The following TMEM132B variants were observed in gnomAD, a reference collection of about 807,000 sequenced individuals.
The protein encoded by TMEM132B is transmembrane protein 132B.
TMEM132B carries 18 observed loss-of-function variants against 90.8 expected under a neutral mutation model. That is an observed-to-expected ratio of 0.20 (90% confidence interval 0.14 to 0.29). The LOEUF (loss-of-function observed/expected upper bound fraction) is 0.29, where lower values mean the gene tolerates loss of function less well. Ranked by LOEUF, TMEM132B falls within the 10% of genes least tolerant of loss-of-function variation. TMEM132B has a pLI of 1.00. For missense variants in TMEM132B, 1,096 were observed against 1,326.8 expected, an observed-to-expected ratio of 0.83 and a Z score of 2.70; for synonymous variants, 504 against 523.3, an observed-to-expected ratio of 0.96 and a Z score of 0.50.
intron 4 of TMEM132B, among the ~76,000 whole-genome samples, chr12:125,541,723 G>A (rs1432190033): frequency 6.6e-6 from 1 of 151,732 alleles, no homozygotes; most frequent in Admixed American, 6.6e-5. Context: ...TGAGTCCACC[G>A]AGACCTGGTG....
intron 3 of TMEM132B, among the ~76,000 whole-genome samples, chr12:125,444,171 C>G (rs1880944803): frequency 6.6e-6 from 1 of 152,148 alleles, no homozygotes; most frequent in Non-Finnish European, 1.5e-5. Flanking sequence ...TTTGTAAATT[C>G]ATGTTTTATA....
At chr12:125,237,646 A>G (rs1427270909) in intron 1 of TMEM132B, among the ~76,000 whole-genome samples, 1 of 151,934 alleles carries the variant, frequency 6.6e-6, no homozygotes, top group Non-Finnish European at 1.5e-5. Context: ...ATGGGGTTTC[A>G]CCGTGTTGGC....
At chr12:125,536,161 C>T (rs558654578) in intron 4 of TMEM132B, among the ~76,000 whole-genome samples, 1 of 152,202 alleles carries the variant, frequency 6.6e-6, no homozygotes, top group Non-Finnish European at 1.5e-5. Flanking sequence ...GGTCTTTGCT[C>T]TGCAAGGTGT....
chr12:125,630,038 T>G (rs1030027737), intron 5 of TMEM132B, among the ~76,000 whole-genome samples: 3 of 152,178 alleles, frequency 2.0e-5, no homozygotes, highest in African/African-American at 7.2e-5. Context: ...GAATTCAGTT[T>G]GCTAGTATTT....
intron 4 of TMEM132B, among the ~76,000 whole-genome samples, chr12:125,524,807 C>G (rs1395838078): frequency 6.6e-6 from 1 of 152,128 alleles, no homozygotes; most frequent in Non-Finnish European, 1.5e-5. Context: ...GGCTGATTTG[C>G]TGAGTCAGAC....
Position 125,415,771 on chromosome 12 carries a change from G to A in TMEM132B, c.1106+94G>A, listed in dbSNP as rs578156362. On this transcript the variant is annotated intron_variant, in intron 3 of 8. Transcript: ENST00000682704. This position sits in a 1 kb window ranked among gnomAD's most constrained non-coding sequence, Gnocchi z 5.3. ...AAAATAATGTGCGTGTGGATAAAGC[G>A]ATGCCTCTGCGTTTAATGAGAAATG... 30 of 1,456,362 alleles carry A rather than the reference G, an allele frequency of 2.1e-5. No individual in the cohort carries two copies. Among genetic ancestry groups the A allele is most frequent in the Non-Finnish European group, 2.5e-5 (27 of 1,090,416 alleles). The allele number at this position is 1,456,362 out of a possible 1,614,324, so 90.2% of individuals were successfully genotyped here. A position where few individuals can be genotyped will look rare whatever the true frequency, so the allele number is the denominator to read the frequency against.
intron 1 of TMEM132B, among the ~76,000 whole-genome samples, chr12:125,236,609 G>A (rs1368624435): frequency 6.6e-6 from 1 of 152,154 alleles, no homozygotes; most frequent in Admixed American, 6.5e-5. Context: ...TCTGTATACG[G>A]TGCTACCTTA....
intron 2 of TMEM132B, among the ~76,000 whole-genome samples, chr12:125,413,168 C>A (rs2615669): frequency 0.32 from 48,132 of 151,652 alleles, 7,701 homozygotes; most frequent in East Asian, 0.4. Flanking sequence ...GGCTTTCCTC[C>A]AGTTCGAGAA....
chr12:125,334,084 A>G (rs1566004869), intron 1 of TMEM132B, among the ~76,000 whole-genome samples: 1 of 152,320 alleles, frequency 6.6e-6, no homozygotes. Flanking sequence ...TCAACTTCTC[A>G]TGGTGTTTTT....
chr12:125,572,782 T>G (rs1245802713), intron 4 of TMEM132B, among the ~76,000 whole-genome samples: 1 of 152,210 alleles, frequency 6.6e-6, no homozygotes, highest in Admixed American at 6.5e-5. Flanking sequence ...GTGGTGATAT[T>G]CTAGCTTCAT....
At chr12:125,518,791 A>AT (rs34673335) in intron 3 of TMEM132B, among the ~76,000 whole-genome samples, 49,233 of 151,940 alleles carry the variant, frequency 0.32, 12,094 homozygotes, top group East Asian at 0.74. Flanking sequence ...GGCAGGTGGG[A>AT]TTTTTTTACA....
chr12:125,573,140 C>G (rs560511938), intron 4 of TMEM132B, among the ~76,000 whole-genome samples: 1 of 152,056 alleles, frequency 6.6e-6, no homozygotes, highest in Admixed American at 6.6e-5. Context: ...TTTTAGAGCT[C>G]CATTCTGGGT....
At position 125,333,764 on chromosome 12, in the gene TMEM132B, T is replaced by A. The variant is rs144912261; in HGVS notation, c.68-15688T>A. ...TATCTTTAAAGAAAAGCCAGAAATCTGGATTTTTGTGTGATTAATTCAATT... is the reference window on the plus strand; with the variant it reads ...TATCTTTAAAGAAAAGCCAGAAATCAGGATTTTTGTGTGATTAATTCAATT... On this transcript the variant is annotated intron_variant, in intron 1 of 8. Coordinates refer to ENST00000682704, the MANE Select transcript of TMEM132B (RefSeq NM_001366854.1). Among the ~76,000 whole-genome samples the A allele has an allele frequency of 1.2e-4, 18 of 152,324 alleles. 1 individual carries two copies. The East Asian group carries it at 3.5e-3, about 29-fold the overall frequency.
intron 5 of TMEM132B, among the ~76,000 whole-genome samples, chr12:125,589,494 A>C (rs1321310808): frequency 6.6e-6 from 1 of 151,622 alleles, no homozygotes; most frequent in Non-Finnish European, 1.5e-5. Context: ...AAAAAAAAAA[A>C]AAAAAAAAAA....
chr12:125,389,427 C>A (rs886774587), intron 2 of TMEM132B, among the ~76,000 whole-genome samples: 3 of 150,480 alleles, frequency 2.0e-5, no homozygotes, highest in African/African-American at 7.3e-5. Context: ...TCCATCCTTC[C>A]ATAATTCATC....
chr12:125,288,452 G>C (rs1358509216), intron 1 of TMEM132B, among the ~76,000 whole-genome samples: 50 of 105,928 alleles, frequency 4.7e-4, no homozygotes, highest in African/African-American at 1.8e-3. Flanking sequence ...GACAGAGCAA[G>C]ACTCCATCTC....
intron 8 of TMEM132B, among the ~76,000 whole-genome samples, 187 bp downstream of exon 8, chr12:125,652,819 T>C (rs553841701): frequency 3.9e-5 from 6 of 152,356 alleles, no homozygotes; most frequent in South Asian, 2.1e-4. Context: ...CATTTCCTCT[T>C]ATGTGCTTTT....
At chr12:125,573,235 A>C (rs1196696655) in intron 4 of TMEM132B, among the ~76,000 whole-genome samples, 1 of 152,188 alleles carries the variant, frequency 6.6e-6, no homozygotes, top group Non-Finnish European at 1.5e-5. Context: ...ACATGTGTAC[A>C]TATATACACA....
intron 2 of TMEM132B, among the ~76,000 whole-genome samples, chr12:125,377,283 T>C (rs1878523158): frequency 6.6e-6 from 1 of 152,124 alleles, no homozygotes; most frequent in Non-Finnish European, 1.5e-5. Context: ...CAGGGACTTA[T>C]CCTGAAGGTC....
Sources: gnomAD v4.1 joint callset for allele counts (sites outside exome capture counted in the v4.1 genomes callset) on GRCh38, gnomAD v4.1.1 for gene constraint, Gnocchi (gnomAD v3.1) non-coding constraint, MANE v1.5 for transcripts, NCBI Gene and HGNC (gene_info 2026-07-23, HGNC 2026-07-21) for gene names.